KCNC2: variants seen among roughly 807,000 people sequenced by gnomAD.
The protein encoded by KCNC2 is potassium voltage-gated channel subfamily C member 2.
Under a neutral mutation model 44.5 loss-of-function variants are expected in KCNC2, and 21 were observed. The observed-to-expected ratio is 0.47, with a 90% CI of 0.33 to 0.68. KCNC2 has a LOEUF of 0.68. Among genes scored for constraint, KCNC2 ranks in the 30% least tolerant of loss-of-function variants. The pLI, the probability that KCNC2 is intolerant of heterozygous loss-of-function variation, is 0.01. For synonymous variants in KCNC2, 391 were observed against 339.1 expected, an observed-to-expected ratio of 1.15 and a Z score of -1.68; for missense variants, 589 against 826.2, an observed-to-expected ratio of 0.71 and a Z score of 3.52.
At chr12:75,169,045 G>A (rs1891642011) in intron 2 of KCNC2, among the ~76,000 whole-genome samples, 1 of 151,396 alleles carries the variant, frequency 6.6e-6, no homozygotes, top group Non-Finnish European at 1.5e-5. Context: ...CAAAAGGAAA[G>A]GACAAACATT....
intron 2 of KCNC2, among the ~76,000 whole-genome samples, chr12:75,105,569 G>C (rs1467538299): frequency 6.6e-6 from 1 of 152,170 alleles, no homozygotes; most frequent in Non-Finnish European, 1.5e-5. Context: ...AATGATATGG[G>C]CTTGGACTTG....
intron 2 of KCNC2, among the ~76,000 whole-genome samples, chr12:75,053,565 T>G (rs1881418776): frequency 6.6e-6 from 1 of 152,034 alleles, no homozygotes; most frequent in African/African-American, 2.4e-5. Flanking sequence ...CAATATTTTA[T>G]TGGCAATATT....
At chr12:75,065,752 T>A (rs969957187) in intron 2 of KCNC2, among the ~76,000 whole-genome samples, 7 of 152,120 alleles carry the variant, frequency 4.6e-5, no homozygotes, top group South Asian at 2.1e-4. Context: ...ATAACAACAA[T>A]GAAATTACCT....
At chr12:75,157,455 T>A (rs1890840720) in intron 2 of KCNC2, among the ~76,000 whole-genome samples, 1 of 151,930 alleles carries the variant, frequency 6.6e-6, no homozygotes, top group Admixed American at 6.6e-5. Context: ...AGCCCTTGCT[T>A]TGTCTTTTGG....
chr12:75,056,937 A>T (rs745652083), intron 2 of KCNC2, among the ~76,000 whole-genome samples: 1 of 152,030 alleles, frequency 6.6e-6, no homozygotes, highest in South Asian at 2.1e-4. Context: ...ATGAACAGAA[A>T]CACTATATTT....
intron 2 of KCNC2, among the ~76,000 whole-genome samples, chr12:75,056,818 A>T (rs544293364): frequency 6.6e-6 from 1 of 152,178 alleles, no homozygotes; most frequent in South Asian, 2.1e-4. Context: ...ATGTACTTAC[A>T]TGGAATGGTC....
intron 2 of KCNC2, among the ~76,000 whole-genome samples, chr12:75,153,361 A>G (rs1455824832): frequency 6.6e-6 from 1 of 152,002 alleles, no homozygotes; most frequent in East Asian, 1.9e-4. Context: ...TTTACGTGTA[A>G]CATTTGACTC....
chr12:75,199,136 C>A (rs553919153), intron 2 of KCNC2, among the ~76,000 whole-genome samples: 14 of 151,832 alleles, frequency 9.2e-5, no homozygotes, highest in Non-Finnish European at 1.2e-4. Flanking sequence ...AGGAAAACAC[C>A]TTTTACTGCT....
chr12:75,163,201 G>T (rs1891231706), intron 2 of KCNC2, among the ~76,000 whole-genome samples: 1 of 151,736 alleles, frequency 6.6e-6, no homozygotes, highest in Non-Finnish European at 1.5e-5. Context: ...GTGTGTTGCT[G>T]CTATCATGTG....
chr12:75,069,056 G>A (rs1246589583), intron 2 of KCNC2, among the ~76,000 whole-genome samples: 1 of 148,508 alleles, frequency 6.7e-6, no homozygotes, highest in East Asian at 2.0e-4. Context: ...ACACACATAT[G>A]TGAAAATACC....
rs533607658 is a variant in KCNC2 at position 75,110,866 on chromosome 12, A to G, written c.688-59549T>C. ...TGTCCTAACGCCTTGACACTAGGCT[A>G]TGACCCCTCTGCCATACTGCACAGG... On this transcript the variant is annotated intron_variant, in intron 2 of 4. Transcript: ENST00000549446. Among the ~76,000 whole-genome samples, 136 of 152,272 alleles carry G rather than the reference A, an allele frequency of 8.9e-4. 2 individuals are homozygous for G. The South Asian group carries it at 0.022, about 25-fold the overall frequency.
chr12:75,061,610 C>T (rs10785171), intron 2 of KCNC2, among the ~76,000 whole-genome samples: 69,628 of 136,488 alleles, frequency 0.51, 19,279 homozygotes, highest in African/African-American at 0.77. Flanking sequence ...CACACACACA[C>T]ACAAAACACA....
chr12:75,155,663 G>A (rs1185630291), intron 2 of KCNC2, among the ~76,000 whole-genome samples: 2 of 151,616 alleles, frequency 1.3e-5, no homozygotes, highest in Non-Finnish European at 2.9e-5. Flanking sequence ...GGCTTGTTAA[G>A]TCTACAGGTG....
At chr12:75,191,004 T>G (rs964230889) in intron 2 of KCNC2, among the ~76,000 whole-genome samples, 1 of 152,108 alleles carries the variant, frequency 6.6e-6, no homozygotes, top group Admixed American at 6.5e-5. Context: ...GTAAGATAAC[T>G]ATACCTATGA....
intron 2 of KCNC2, among the ~76,000 whole-genome samples, chr12:75,135,021 C>T (rs148073816): frequency 6.6e-6 from 1 of 151,962 alleles, no homozygotes; most frequent in East Asian, 1.9e-4. Context: ...ATCATTTTTA[C>T]TTTAAATAAA....
intron 2 of KCNC2, among the ~76,000 whole-genome samples, chr12:75,184,610 G>A (rs1196738689): frequency 2.6e-5 from 4 of 151,924 alleles, no homozygotes; most frequent in Non-Finnish European, 5.9e-5. Context: ...TTTCCCCCAG[G>A]TACTTTTTCT....
At chr12:75,181,018 G>A (rs1296182641) in intron 2 of KCNC2, among the ~76,000 whole-genome samples, 2 of 152,052 alleles carry the variant, frequency 1.3e-5, no homozygotes, top group Non-Finnish European at 2.9e-5. Context: ...CTTCTAACAT[G>A]TTGAGTAAAG....
chr12:75,187,568 A>G (rs1192528145), intron 2 of KCNC2, among the ~76,000 whole-genome samples: 1 of 152,198 alleles, frequency 6.6e-6, no homozygotes, highest in Non-Finnish European at 1.5e-5. Context: ...AGGGAGGAGA[A>G]TTATTTGCAG....
At chr12:75,133,614 T>G (rs1200058406) in intron 2 of KCNC2, among the ~76,000 whole-genome samples, 1 of 152,030 alleles carries the variant, frequency 6.6e-6, no homozygotes. Flanking sequence ...TTTTTACTAT[T>G]TAGCAGTGGC....
Sources: gnomAD v4.1 joint callset for allele counts (sites outside exome capture counted in the v4.1 genomes callset) on GRCh38, gnomAD v4.1.1 for gene constraint, MANE v1.5 for transcripts, NCBI Gene and HGNC (gene_info 2026-07-23, HGNC 2026-07-21) for gene names.